The following SLMAP variants were observed in gnomAD, a reference collection of about 807,000 sequenced individuals.
SLMAP encodes sarcolemma associated protein.
A neutral mutation model predicts 128.8 loss-of-function variants in SLMAP; 44 were observed. The observed-to-expected ratio is 0.34, with a 90% CI of 0.27 to 0.44. The LOEUF (loss-of-function observed/expected upper bound fraction) is 0.44. Ranked by LOEUF, SLMAP falls within the 20% of genes least tolerant of loss-of-function variation. The pLI is 1.00. For synonymous variants in SLMAP, 327 were observed against 348.8 expected (o/e 0.94, Z 0.70); for missense variants, 787 against 985.3 (o/e 0.80, Z 2.69).
At position 57,865,306 on chromosome 3, in the gene SLMAP, CTT is replaced by C. The variant is rs778077642; in HGVS notation, c.1237+15_1237+16del. On this transcript the variant is annotated intron_variant, in intron 13 of 24. Coordinates refer to ENST00000671191, the MANE Select transcript of SLMAP (RefSeq NM_001377540.1). ...GCACAGAAAAAGGTAGTGTAAAAAA[CTT>C]AAATATATATATACTTTTTATGATA... 2.4e-5 allele frequency: 28 copies of C among 1,154,782 alleles called. No homozygotes were observed. The highest frequency in any genetic ancestry group is 2.4e-5 in the Non-Finnish European group (19 of 799,914). The allele number at this position is 1,154,782 out of a possible 1,614,324, so 71.5% of individuals were successfully genotyped here. A position where few individuals can be genotyped will look rare whatever the true frequency, so the allele number is the denominator to read the frequency against.
intron 2 of SLMAP, among the ~76,000 whole-genome samples, chr3:57,796,644 G>C (rs949927517): frequency 2.0e-4 from 31 of 152,252 alleles, no homozygotes; most frequent in African/African-American, 7.5e-4. Flanking sequence ...CATTTCTAGA[G>C]ACCTAATCTA....
At chr3:57,907,481 A>G (rs1021442399) in intron 17 of SLMAP, among the ~76,000 whole-genome samples, 5 of 152,188 alleles carry the variant, frequency 3.3e-5, no homozygotes, top group African/African-American at 1.2e-4. Context: ...TGTTTTCCAT[A>G]TCCAGTTAAG....
intron 22 of SLMAP, among the ~76,000 whole-genome samples, chr3:57,919,463 C>T (rs1330275944): frequency 6.6e-6 from 1 of 151,638 alleles, no homozygotes; most frequent in African/African-American, 2.4e-5. Flanking sequence ...CTTTAGAAAG[C>T]ATCACTATAT....
chr3:57,849,700 C>A, intron 5 of SLMAP, 54 bp from the exon 6 acceptor site: 1 of 951,988 alleles, frequency 1.1e-6, no homozygotes, highest in Non-Finnish European at 1.7e-6. Flanking sequence ...ATTGGTTTGT[C>A]TTTAATGTTC....
chr3:57,830,191 C>CACCACCATACACCACCATGTTGGCGAGGA (rs2093242549), intron 2 of SLMAP, among the ~76,000 whole-genome samples: 1 of 152,106 alleles, frequency 6.6e-6, no homozygotes, highest in South Asian at 2.1e-4. Flanking sequence ...CGTGCCACCA[C>CACCACCATACACCACCATGTTGGCGAGGA]ACCACCATAC....
intron 17 of SLMAP, among the ~76,000 whole-genome samples, chr3:57,906,420 A>G (rs111553947): frequency 0.11 from 15,461 of 144,114 alleles, 987 homozygotes; most frequent in South Asian, 0.16. Flanking sequence ...GGTTCAAGCA[A>G]TTCTCGTGCC....
intron 5 of SLMAP, among the ~76,000 whole-genome samples, chr3:57,848,219 C>G (rs545989417): frequency 1.3e-5 from 2 of 150,320 alleles, no homozygotes; most frequent in African/African-American, 2.4e-5. Flanking sequence ...CTTCTTTCCT[C>G]CTTTTCCTCC....
At chr3:57,907,068 C>A (rs1000490317) in intron 17 of SLMAP, among the ~76,000 whole-genome samples, 4 of 151,924 alleles carry the variant, frequency 2.6e-5, no homozygotes, top group Admixed American at 2.0e-4. Context: ...CACTCTGTTG[C>A]CCAGGCTGGA....
intron 2 of SLMAP, among the ~76,000 whole-genome samples, chr3:57,766,529 T>C (rs929703279): frequency 6.6e-6 from 1 of 152,206 alleles, no homozygotes; most frequent in Admixed American, 6.5e-5. Flanking sequence ...CCAGACTCTT[T>C]CCTCTTCTCA....
At chr3:57,926,201 T>C (rs1559594040) in intron 24 of SLMAP, 1 of 424,894 alleles carries the variant, frequency 2.4e-6, no homozygotes, top group African/African-American at 2.0e-5. Context: ...AACTGAGTCT[T>C]TATCTCTAGC....
intron 2 of SLMAP, among the ~76,000 whole-genome samples, chr3:57,766,520 C>A (rs918293457): frequency 6.6e-6 from 1 of 152,072 alleles, no homozygotes; most frequent in African/African-American, 2.4e-5. Context: ...GTTTACAGTC[C>A]AGACTCTTTC....
chr3:57,888,705 T>C (rs2153646544), intron 14 of SLMAP, among the ~76,000 whole-genome samples: 1 of 152,024 alleles, frequency 6.6e-6, no homozygotes, highest in East Asian at 1.9e-4. Flanking sequence ...TAAAATAGAT[T>C]CTCAATAAAT....
chr3:57,814,912 T>C (rs183292481), intron 2 of SLMAP, among the ~76,000 whole-genome samples: 29 of 152,236 alleles, frequency 1.9e-4, no homozygotes, highest in Admixed American at 3.3e-4. Flanking sequence ...CTCTTGATCC[T>C]GGGAGGTTGA....
At chr3:57,903,184 G>T (rs573148982) in intron 17 of SLMAP, among the ~76,000 whole-genome samples, 1 of 152,204 alleles carries the variant, frequency 6.6e-6, no homozygotes, top group Non-Finnish European at 1.5e-5. Flanking sequence ...GAAGCTGGCA[G>T]TTCAGAAAGA....
At chr3:57,881,875 T>C (rs1158837218) in intron 14 of SLMAP, among the ~76,000 whole-genome samples, 2 of 152,192 alleles carry the variant, frequency 1.3e-5, no homozygotes, top group Non-Finnish European at 2.9e-5. Flanking sequence ...TTAATGCCTG[T>C]AGTCTCAACC....
chr3:57,819,455 A>G lies in SLMAP; in HGVS notation c.199-11928A>G, dbSNP rs1019764589. On this transcript the variant is annotated intron_variant, in intron 2 of 24. Coordinates refer to ENST00000671191, the MANE Select transcript of SLMAP (RefSeq NM_001377540.1). ...CATTTCCACTGAATTTGTTTGCCAA[A>G]TAAATTCTTTGTGTGTGGGCAGGTT... 2.6e-5 allele frequency among the ~76,000 whole-genome samples: 4 copies of G among 151,896 alleles called. No individual in the cohort carries two copies. In the South Asian group the frequency reaches 6.2e-4, roughly 24 times the overall value.
At position 57,847,194 on chromosome 3, in the gene SLMAP, C is replaced by T; in HGVS notation, c.420-3C>T. 6.3e-7 allele frequency: 1 copy of T among 1,594,864 alleles called. No homozygotes were observed. The highest frequency in any genetic ancestry group is 8.6e-7 in the Non-Finnish European group (1 of 1,168,494). ...GATAAAACTTCTAAATTTTACTTTT[C>T]AGTGTCATCCATGCACCATTACCAA... On this transcript the variant is annotated splice_polypyrimidine_tract_variant and splice_region_variant and intron_variant, in intron 4 of 24. Coordinates refer to ENST00000671191, the MANE Select transcript of SLMAP (RefSeq NM_001377540.1).
intron 2 of SLMAP, among the ~76,000 whole-genome samples, chr3:57,791,892 G>A (rs1351197817): frequency 2.0e-5 from 3 of 152,014 alleles, no homozygotes; most frequent in Non-Finnish European, 4.4e-5. Context: ...TGAAAAAACA[G>A]TACTTAACAG....
intron 2 of SLMAP, chr3:57,800,978 A>G: frequency 3.5e-6 from 1 of 286,204 alleles, no homozygotes; most frequent in Admixed American, 3.6e-5. Flanking sequence ...CATTGATCCT[A>G]CTTTTCCTTT....
Sources: gnomAD v4.1 joint callset for allele counts (sites outside exome capture counted in the v4.1 genomes callset) on GRCh38, gnomAD v4.1.1 for gene constraint, MANE v1.5 for transcripts, NCBI Gene and HGNC (gene_info 2026-07-23, HGNC 2026-07-21) for gene names.